Variants in LRCH1 observed in about 807,000 individuals in gnomAD.
The protein encoded by LRCH1 is leucine rich repeats and calponin homology domain containing 1, also known as leucine-rich repeat and calponin homology domain-containing protein 1.
Under a neutral mutation model 94.9 loss-of-function variants are expected in LRCH1, and 23 were observed. The ratio of observed to expected loss-of-function variants is 0.24; its 90% CI spans 0.17 to 0.34. LRCH1 has a LOEUF of 0.34. Ranked by LOEUF, LRCH1 falls within the 10% of genes least tolerant of loss-of-function variation. The pLI is 1.00. For missense variants in LRCH1, 790 were observed against 945.9 expected (o/e 0.84, Z 2.16); for synonymous variants, 364 against 354.9 (o/e 1.03, Z -0.29).
chr13:46,567,259 TA>T (rs1300320281), intron 1 of LRCH1, among the ~76,000 whole-genome samples: 1 of 152,202 alleles, frequency 6.6e-6, no homozygotes, highest in African/African-American at 2.4e-5. Flanking sequence ...ATTTGACATA[TA>T]AAAATATGTT....
intron 1 of LRCH1, among the ~76,000 whole-genome samples, chr13:46,571,919 A>G (rs1245981024): frequency 1.3e-5 from 2 of 151,884 alleles, no homozygotes; most frequent in Admixed American, 6.6e-5. Flanking sequence ...AGGGAGGGAG[A>G]GAGAGAGAGA....
At chr13:46,747,257 G>C (rs1247636194), downstream of LRCH1, among the ~76,000 whole-genome samples, 1 of 152,082 alleles carries the variant, frequency 6.6e-6, no homozygotes, top group Admixed American at 6.5e-5. Flanking sequence ...GCCTGGGAAA[G>C]AGGGTGCCCT....
intron 1 of LRCH1, among the ~76,000 whole-genome samples, chr13:46,566,709 A>G (rs754210369): frequency 9.2e-5 from 14 of 152,196 alleles, no homozygotes; most frequent in Non-Finnish European, 1.3e-4. Context: ...GAGACCAGAG[A>G]AGGAGATTTT....
At position 46,689,117 on chromosome 13, in the gene LRCH1, A is replaced by T; in HGVS notation, c.951-16A>T. The T allele has an allele frequency of 6.3e-7, 1 of 1,593,140 alleles. No homozygotes were observed. The highest frequency in any genetic ancestry group is 8.6e-7 in the Non-Finnish European group (1 of 1,163,960). ...TCTTTTTTAAATGAATTCAATATTG[A>T]TGGCATCTATCTCAGCAAGAAGGAT... is the stretch of plus-strand genomic sequence containing the variant. On this transcript the variant is annotated splice_polypyrimidine_tract_variant and intron_variant, in intron 6 of 19. Transcript: ENST00000389797.
intron 1 of LRCH1, among the ~76,000 whole-genome samples, chr13:46,646,552 C>G (rs1045688759): frequency 2.0e-5 from 3 of 152,120 alleles, no homozygotes; most frequent in Admixed American, 6.6e-5. Flanking sequence ...TGTCCTGCAA[C>G]TGTTTTTGTT....
Position 46,683,846 on chromosome 13 carries a change from T to A in LRCH1, c.685+2000T>A, listed in dbSNP as rs1852086521. Among the ~76,000 whole-genome samples the A allele has an allele frequency of 2.0e-5, 3 of 152,246 alleles. No individual in the cohort carries two copies. In the South Asian group the frequency reaches 6.2e-4, roughly 31 times the overall value. The stretch of plus-strand genomic sequence containing the variant: ...ACTCAAAGCTAAAACTTCAGTTTAC[T>A]GGAAATTTCTTAAAAAAATAACTTC... On this transcript the variant is annotated intron_variant, in intron 4 of 19. Transcript: ENST00000389797.
intron 1 of LRCH1, among the ~76,000 whole-genome samples, chr13:46,572,499 A>G (rs2050251620): frequency 6.6e-6 from 1 of 152,202 alleles, no homozygotes; most frequent in African/African-American, 2.4e-5. Context: ...AGAGTGATCT[A>G]AAAGCAAATT....
chr13:46,732,954 G>A (rs1873187044), intron 18 of LRCH1, among the ~76,000 whole-genome samples: 1 of 152,172 alleles, frequency 6.6e-6, no homozygotes, highest in South Asian at 2.1e-4. Context: ...GTTTCACAGG[G>A]CAACAGACTC....
downstream of LRCH1, among the ~76,000 whole-genome samples, chr13:46,745,822 G>C (rs995704393): frequency 6.6e-6 from 1 of 152,120 alleles, no homozygotes; most frequent in African/African-American, 2.4e-5. Context: ...TAGAAGTGTG[G>C]GTCTCTTTGG....
intron 1 of LRCH1, among the ~76,000 whole-genome samples, chr13:46,560,171 G>A (rs17068352): frequency 0.033 from 2,450 of 74,224 alleles, 79 homozygotes; most frequent in African/African-American, 0.069. Flanking sequence ...TTTCAGCTGG[G>A]CAGCATTTAC....
chr13:46,630,891 C>G (rs2051009940), intron 1 of LRCH1, among the ~76,000 whole-genome samples: 1 of 152,176 alleles, frequency 6.6e-6, no homozygotes, highest in Non-Finnish European at 1.5e-5. Context: ...TTGGAAAGAT[C>G]TGCTTTTCAC....
intron 1 of LRCH1, among the ~76,000 whole-genome samples, 190 bp from the exon 2 acceptor site, chr13:46,650,011 T>A (rs547992445): frequency 7.8e-4 from 119 of 152,260 alleles, no homozygotes; most frequent in South Asian, 5.2e-3. Flanking sequence ...AAATCCCACA[T>A]GTCCCAGAAT....
chr13:46,570,855 G>A (rs2050233474), intron 1 of LRCH1, among the ~76,000 whole-genome samples: 3 of 152,212 alleles, frequency 2.0e-5, no homozygotes, highest in Admixed American at 2.0e-4. Flanking sequence ...TATAGTAGAG[G>A]AGTGTCTAAA....
chr13:46,665,294 C>T (rs1486192447), intron 2 of LRCH1, among the ~76,000 whole-genome samples: 1 of 152,028 alleles, frequency 6.6e-6, no homozygotes, highest in African/African-American at 2.4e-5. Context: ...AAACTATGGA[C>T]ATCAATAAGT....
intron 9 of LRCH1, 97 bp from the exon 10 acceptor site, chr13:46,699,239 G>C (rs1871343515): frequency 2.2e-6 from 2 of 909,234 alleles, no homozygotes; most frequent in South Asian, 1.4e-5. Context: ...TTTGGCTATT[G>C]TGAATAACGC....
chr13:46,611,268 G>T (rs949346830), intron 1 of LRCH1, among the ~76,000 whole-genome samples: 1 of 152,132 alleles, frequency 6.6e-6, no homozygotes, highest in Non-Finnish European at 1.5e-5. Context: ...TCAGCTTCCC[G>T]CATTGGAATG....
chr13:46,742,814 G>A lies in LRCH1; in HGVS notation c.*966G>A, dbSNP rs961277103. 5 of 985,238 alleles carry A rather than the reference G, an allele frequency of 5.1e-6. No individual in the cohort carries two copies. In the East Asian group the frequency reaches 4.5e-4, roughly 89 times the overall value. The allele number at this position is 985,238 out of a possible 1,614,324, so 61.0% of individuals were successfully genotyped here. On this transcript the variant is annotated 3_prime_UTR_variant, in exon 20 of 20. Coordinates refer to ENST00000389797, the MANE Select transcript of LRCH1 (RefSeq NM_001164211.2). ...TCCTGGTGCTTGGGTTATGATGGCA[G>A]GAGTCAAGAAGAAGATTACTTTCAT...
chr13:46,654,644 G>T lies in LRCH1; in HGVS notation c.452+4299G>T, dbSNP rs138937759. 4.6e-5 allele frequency among the ~76,000 whole-genome samples: 7 copies of T among 152,268 alleles called. No individual in the cohort carries two copies. The East Asian group carries it at 1.3e-3, about 29-fold the overall frequency. ...GACATTATCATTAATTTTGATGTAT[G>T]GGGAAGTCGGTGTGAATTTCTTAAA... On this transcript the variant is annotated intron_variant, in intron 2 of 19. Transcript: ENST00000389797.
chr13:46,697,135 C>A (rs1218435709), intron 9 of LRCH1, among the ~76,000 whole-genome samples: 1 of 152,164 alleles, frequency 6.6e-6, no homozygotes, highest in Non-Finnish European at 1.5e-5. Flanking sequence ...TGGACCTTTG[C>A]AACCACAGTC....
Sources: gnomAD v4.1 joint callset for allele counts (sites outside exome capture counted in the v4.1 genomes callset) on GRCh38, gnomAD v4.1.1 for gene constraint, MANE v1.5 for transcripts, NCBI Gene and HGNC (gene_info 2026-07-23, HGNC 2026-07-21) for gene names.